Variants in CSMD1 observed in about 807,000 individuals in gnomAD.
CSMD1 encodes CUB and Sushi multiple domains 1.
Under a neutral mutation model 417.5 loss-of-function variants are expected in CSMD1, and 213 were observed. The ratio of observed to expected loss-of-function variants is 0.51; its 90% CI spans 0.46 to 0.57. The LOEUF (loss-of-function observed/expected upper bound fraction) is 0.57, where lower values mean the gene tolerates loss of function less well. Among genes scored for constraint, CSMD1 ranks in the 20% least tolerant of loss-of-function variants. CSMD1 has a pLI of 0.00. For missense variants in CSMD1, 6,923 were observed against 4,529.7 expected, an observed-to-expected ratio of 1.53 and a Z score of -15.17; for synonymous variants, 2,862 against 1,736.8, an observed-to-expected ratio of 1.65 and a Z score of -16.11.
At chr8:3,832,790 A>G in intron 5 of CSMD1, among the ~76,000 whole-genome samples, 1 of 152,316 alleles carries the variant, frequency 6.6e-6, no homozygotes, top group Non-Finnish European at 1.5e-5. Flanking sequence ...GATCCAGATT[A>G]GAAATACCTT....
intron 10 of CSMD1, among the ~76,000 whole-genome samples, chr8:3,564,046 G>C (rs1265948493): frequency 6.6e-6 from 1 of 151,922 alleles, no homozygotes. Flanking sequence ...TATATTTTGG[G>C]GGTACACGTG....
intron 26 of CSMD1, among the ~76,000 whole-genome samples, chr8:3,241,566 G>A (rs1382027612): frequency 6.6e-6 from 1 of 152,176 alleles, no homozygotes; most frequent in East Asian, 1.9e-4. Flanking sequence ...TGGCTGCCAG[G>A]TGAGTTGAAC....
At chr8:3,268,148 T>C (rs1356004232) in intron 26 of CSMD1, among the ~76,000 whole-genome samples, 4 of 151,928 alleles carry the variant, frequency 2.6e-5, no homozygotes, top group African/African-American at 7.3e-5. Context: ...TGAACTGATA[T>C]CTGAATGAAT....
rs554606449 is a variant in CSMD1 at position 3,263,246 on chromosome 8, G to T, written c.4153+20898C>A. Among the ~76,000 whole-genome samples the T allele has an allele frequency of 1.4e-3, 217 of 152,240 alleles. 2 individuals are homozygous for T. The highest frequency in any genetic ancestry group is 2.6e-3 in the Non-Finnish European group (180 of 68,016). On this transcript the variant is annotated intron_variant, in intron 26 of 69. Transcript: ENST00000635120. The stretch of plus-strand genomic sequence containing the variant: ...CCCGAGTACCTGGGATTACAGGTGT[G>T]TGCCACCACATCTGGCTAATTTTTG...
intron 5 of CSMD1, among the ~76,000 whole-genome samples, chr8:3,806,445 T>C (rs139670962): frequency 1.3e-5 from 2 of 152,156 alleles, no homozygotes; most frequent in Non-Finnish European, 2.9e-5. Context: ...GCCTGAATAA[T>C]GAAGGCAATT....
intron 3 of CSMD1, among the ~76,000 whole-genome samples, chr8:4,223,533 A>G (rs994237138): frequency 1.2e-4 from 18 of 152,356 alleles, no homozygotes; most frequent in African/African-American, 4.3e-4. Flanking sequence ...CTGCTCGTTA[A>G]TAACCACCAG....
intron 2 of CSMD1, among the ~76,000 whole-genome samples, chr8:4,598,078 G>A (rs1033607406): frequency 2.0e-5 from 3 of 151,942 alleles, no homozygotes; most frequent in African/African-American, 7.3e-5. Context: ...AAAAATCACA[G>A]AAAATAAAAA....
rs142314089 is a variant in CSMD1 at position 4,723,079 on chromosome 8, C to G, written c.86-85521G>C. ...TCTCCTTTCAAAAGTGAATAGAGGT[C>G]AGCTTTCTGTCTGGATACTTATATA... On this transcript the variant is annotated intron_variant, in intron 1 of 69. Transcript: ENST00000635120. 5.3e-5 allele frequency among the ~76,000 whole-genome samples: 8 copies of G among 152,224 alleles called. No homozygotes were observed. The East Asian group carries it at 1.5e-3, about 29-fold the overall frequency.
rs190055048 is a variant in CSMD1 at position 3,263,774 on chromosome 8, T to C, written c.4153+20370A>G. On this transcript the variant is annotated intron_variant, in intron 26 of 69. Transcript: ENST00000635120. ...AAGTCAACTAACTTTCTTTAATAAA[T>C]GAATTGTGACTTCTCTGACACAAAG... Among the ~76,000 whole-genome samples the C allele has an allele frequency of 8.7e-4, 133 of 152,320 alleles. 1 individual carries two copies. The highest frequency in any genetic ancestry group is 2.9e-3 in the African/African-American group (119 of 41,584).
intron 5 of CSMD1, among the ~76,000 whole-genome samples, chr8:3,991,975 A>C (rs1212847857): frequency 1.3e-5 from 2 of 150,620 alleles, no homozygotes; most frequent in Non-Finnish European, 2.9e-5. Context: ...ATGTTTTTTT[A>C]CAAAAAAAAT....
chr8:3,978,943 A>C (rs892813749), intron 5 of CSMD1, among the ~76,000 whole-genome samples: 1 of 152,216 alleles, frequency 6.6e-6, no homozygotes, highest in Non-Finnish European at 1.5e-5. Context: ...ATTGCCAGCC[A>C]CAGGTTCCAC....
At chr8:3,066,981 T>G (rs1261226278) in intron 49 of CSMD1, among the ~76,000 whole-genome samples, 1 of 151,912 alleles carries the variant, frequency 6.6e-6, no homozygotes, top group Non-Finnish European at 1.5e-5. Context: ...AGGTACAGAC[T>G]GACGAAAATC....
Position 4,994,666 on chromosome 8 carries a change from G to T in CSMD1, c.-250C>A. ...GGAGACCCGGGCTGGCGGGGCCGGG[G>T]CCGGGGACGAGCGCCGGCCGAGCCG... On this transcript the variant is annotated 5_prime_UTR_variant, in exon 1 of 70. Transcript: ENST00000635120. 1 of 432,690 alleles carries T rather than the reference G, an allele frequency of 2.3e-6. No homozygotes were observed. The highest frequency in any genetic ancestry group is 4.1e-6 in the Non-Finnish European group (1 of 243,006). 26.8% of individuals were successfully genotyped at this position (432,690 alleles called of 1,614,324 possible).
intron 1 of CSMD1, among the ~76,000 whole-genome samples, chr8:4,801,223 C>A (rs376696664): frequency 6.6e-6 from 1 of 152,158 alleles, no homozygotes; most frequent in East Asian, 1.9e-4. Context: ...AATCTTATTG[C>A]GGCCACCTTG....
At chr8:3,492,024 G>C (rs548493855) in intron 11 of CSMD1, among the ~76,000 whole-genome samples, 1 of 152,220 alleles carries the variant, frequency 6.6e-6, no homozygotes, top group Admixed American at 6.5e-5. Flanking sequence ...GGGAGGGGTA[G>C]GAAGGGATGA....
At chr8:4,155,277 A>T (rs762592701) in intron 3 of CSMD1, among the ~76,000 whole-genome samples, 1 of 152,138 alleles carries the variant, frequency 6.6e-6, no homozygotes, top group Non-Finnish European at 1.5e-5. Flanking sequence ...TCCGGGTGTG[A>T]ATTAGGGGGT....
intron 1 of CSMD1, among the ~76,000 whole-genome samples, chr8:4,862,128 T>C (rs1213739224): frequency 6.6e-6 from 1 of 152,008 alleles, no homozygotes; most frequent in Non-Finnish European, 1.5e-5. Flanking sequence ...TCTAAGGGTC[T>C]GGGGACAAGG....
chr8:3,624,341 C>T (rs942099385), intron 7 of CSMD1, among the ~76,000 whole-genome samples: 1 of 152,072 alleles, frequency 6.6e-6, no homozygotes, highest in Non-Finnish European at 1.5e-5. Context: ...GAACAAGAGC[C>T]ACAGATTGGC....
Position 3,795,140 on chromosome 8 carries a change from TATCTATCATGTAC to T in CSMD1, c.819-41111_819-41099del, listed in dbSNP as rs1799985517. 5.4e-5 allele frequency among the ~76,000 whole-genome samples: 2 copies of T among 37,100 alleles called. 1 individual carries two copies. The highest frequency in any genetic ancestry group is 1.5e-4 in the Non-Finnish European group (2 of 13,416). The allele number at this position is 37,100 out of a possible 152,430, so 24.3% of individuals were successfully genotyped here. On this transcript the variant is annotated intron_variant, in intron 5 of 69. Coordinates refer to ENST00000635120, the MANE Select transcript of CSMD1 (RefSeq NM_033225.6). ...GATATCTATCATGTACAGCTATAGATATCTATCATGTACAGCTATAGATACCTATCATGTACAG... is the reference window on the plus strand; with the variant it reads ...GATATCTATCATGTACAGCTATAGATAGCTATAGATACCTATCATGTACAG...
Sources: gnomAD v4.1 joint callset for allele counts (sites outside exome capture counted in the v4.1 genomes callset) on GRCh38, gnomAD v4.1.1 for gene constraint, MANE v1.5 for transcripts, NCBI Gene and HGNC (gene_info 2026-07-23, HGNC 2026-07-21) for gene names.